NGEF: variants seen among roughly 807,000 people sequenced by gnomAD.
The protein encoded by NGEF is ephexin-1.
In NGEF, 31 loss-of-function variants were observed where a neutral mutation model predicts 80.9. That is an observed-to-expected ratio of 0.38 (90% CI 0.29 to 0.52). The LOEUF (loss-of-function observed/expected upper bound fraction) is 0.52. Among genes scored for constraint, NGEF ranks in the 20% least tolerant of loss-of-function variants. NGEF has a pLI of 0.84. For synonymous variants in NGEF, 371 were observed against 370.2 expected, an observed-to-expected ratio of 1.00 and a Z score of -0.03; for missense variants, 709 against 926.2, an observed-to-expected ratio of 0.77 and a Z score of 3.04.
chr2:232,905,486 C>T (rs11682363), intron 5 of NGEF, among the ~76,000 whole-genome samples: 22,025 of 152,232 alleles, frequency 0.14, 1,896 homozygotes, highest in South Asian at 0.27. Flanking sequence ...TCTTGGCCCC[C>T]CAAAGTGCGG....
At chr2:232,979,735 C>T (rs528711830) in intron 1 of NGEF, among the ~76,000 whole-genome samples, 13 of 152,316 alleles carry the variant, frequency 8.5e-5, no homozygotes, top group Admixed American at 2.6e-4. Context: ...ATGGGACTCA[C>T]GTCTTCATTC....
At chr2:232,880,140 C>T (rs1691446155) in intron 14 of NGEF, among the ~76,000 whole-genome samples, 2 of 152,172 alleles carry the variant, frequency 1.3e-5, no homozygotes, top group African/African-American at 2.4e-5. Flanking sequence ...TGTCATTAGC[C>T]TCTTGCGGGG....
chr2:232,954,677 A>G (rs1261616357), intron 3 of NGEF, among the ~76,000 whole-genome samples: 1 of 151,518 alleles, frequency 6.6e-6, no homozygotes, highest in East Asian at 1.9e-4. Context: ...GTGAGCCGAG[A>G]TCACGCCACT....
intron 1 of NGEF, among the ~76,000 whole-genome samples, chr2:232,993,214 G>GAA (rs1694708086): frequency 9.7e-4 from 31 of 31,984 alleles, no homozygotes; most frequent in African/African-American, 5.5e-3. Context: ...ATATTTGCCC[G>GAA]TATAGATACA....
In NGEF at chr2:232,879,579, G is replaced by A. The variant is rs1450590584; in HGVS notation, c.2043C>T (p.Leu681=). 6.2e-7 allele frequency: 1 copy of A among 1,613,902 alleles called. No homozygotes were observed. The highest frequency in any genetic ancestry group is 1.1e-5 in the South Asian group (1 of 91,090). ...TCTTGTGGACACGGAAACATTCCTT[G>A]AGGTTCTGGGACCGGATCTTGGGAT... ...ILNPKIRSQN[L]KECFRVHKMD... is the part of the protein sequence containing the mutation. The change falls in exon 15 of 15, where the codon CTC becomes CTT. Residue 681 remains leucine (L), a synonymous_variant. Transcript: ENST00000264051.
intron 3 of NGEF, among the ~76,000 whole-genome samples, chr2:232,960,210 A>G (rs1041178335): frequency 1.3e-5 from 2 of 152,270 alleles, no homozygotes; most frequent in Admixed American, 1.3e-4. Flanking sequence ...CTAAATATCA[A>G]CTTATAAAAG....
chr2:232,891,756 T>G (rs530528992), intron 7 of NGEF, among the ~76,000 whole-genome samples: 4 of 152,346 alleles, frequency 2.6e-5, no homozygotes, highest in African/African-American at 9.6e-5. Flanking sequence ...TGGCCAAGTC[T>G]GTGAATCAGA....
In NGEF at chr2:232,905,247, G is replaced by A. The variant is rs998365404; in HGVS notation, c.829-10331C>T. Among the ~76,000 whole-genome samples the A allele has an allele frequency of 3.9e-5, 6 of 152,200 alleles. No homozygotes were observed. In the East Asian group the frequency reaches 9.6e-4, roughly 24 times the overall value. On this transcript the variant is annotated intron_variant, in intron 5 of 14. Coordinates refer to ENST00000264051, the MANE Select transcript of NGEF (RefSeq NM_019850.3). The stretch of plus-strand genomic sequence containing the variant: ...CTGCCGAGTGCCTGCGATTGCAGGC[G>A]CGCGCCGCCACGCCTGACTGGTTTT...
chr2:232,975,756 G>C (rs922097593), intron 1 of NGEF, among the ~76,000 whole-genome samples: 2 of 152,174 alleles, frequency 1.3e-5, no homozygotes, highest in South Asian at 2.1e-4. Flanking sequence ...GTTAGACAGA[G>C]AGGCCGAGCT....
At chr2:232,942,515 C>T (rs1215069468) in intron 3 of NGEF, among the ~76,000 whole-genome samples, 4 of 152,176 alleles carry the variant, frequency 2.6e-5, no homozygotes, top group South Asian at 2.1e-4. Flanking sequence ...CACTTATTAA[C>T]GTAAATCTCT....
intron 3 of NGEF, among the ~76,000 whole-genome samples, chr2:232,943,652 G>C (rs28627470): frequency 0.071 from 10,594 of 150,222 alleles, 643 homozygotes; most frequent in African/African-American, 0.17. Flanking sequence ...CCCGCCACTA[G>C]ACCCGACTAA....
rs778184431 is a variant in NGEF at position 232,884,123 on chromosome 2, A to G, written c.1459T>C (p.Ser487Pro). ...TCACCCTGCTTCAGCAGCCAGCGGG[A>G]GTGGGAGATGATGGGCACCGACTGC... ...KIKSVPIISH[S>P]RWLLKQGELQ... The change falls in exon 11 of 15, where the codon TCC (serine) becomes CCC (proline). Residue 487 changes from serine to proline, a missense_variant. Around this residue, in one of 2 missense-constraint regions of NGEF, gnomAD observed 426 missense variants for 622.9 expected, o/e 0.68. Coordinates refer to ENST00000264051, the MANE Select transcript of NGEF (RefSeq NM_019850.3). 1.2e-6 allele frequency: 2 copies of G among 1,605,276 alleles called. No homozygotes were observed. Among genetic ancestry groups the G allele is most frequent in the Non-Finnish European group, 1.7e-6 (2 of 1,177,812 alleles).
chr2:232,896,747 T>A (rs1574997865), intron 5 of NGEF, among the ~76,000 whole-genome samples: 1 of 46,864 alleles, frequency 2.1e-5, no homozygotes, highest in Admixed American at 2.8e-4. Flanking sequence ...AGGGTGAAGG[T>A]AGGGGTGAGG....
At chr2:232,889,383 T>C in intron 8 of NGEF, among the ~76,000 whole-genome samples, 1 of 152,108 alleles carries the variant, frequency 6.6e-6, no homozygotes, top group Non-Finnish European at 1.5e-5. Context: ...AGACTTGCCG[T>C]TCTCTCTGGA....
intron 1 of NGEF, among the ~76,000 whole-genome samples, chr2:232,984,743 G>A (rs184862378): frequency 2.0e-4 from 31 of 152,184 alleles, no homozygotes; most frequent in African/African-American, 7.2e-4. Context: ...ATTAGGCAGG[G>A]CAGGGAAATT....
intron 3 of NGEF, among the ~76,000 whole-genome samples, chr2:232,948,147 A>ATGTGAGATGTG (rs1693598803): frequency 7.1e-6 from 1 of 141,570 alleles, no homozygotes; most frequent in Admixed American, 7.1e-5. Flanking sequence ...TAGCCTGGAG[A>ATGTGAGATGTG]TGTGTGTGTG....
At chr2:232,887,410 A>ACTCTTGGGCAGCAAAGGCCCAGGG (rs539334858) in intron 9 of NGEF, among the ~76,000 whole-genome samples, 3,208 of 152,026 alleles carry the variant, frequency 0.021, 116 homozygotes, top group African/African-American at 0.073. Flanking sequence ...TGGTCCTTGC[A>ACTCTTGGGCAGCAAAGGCCCAGGG]CTCTTGGGCA....
intron 1 of NGEF, among the ~76,000 whole-genome samples, chr2:232,996,683 C>A (rs1464586010): frequency 6.6e-6 from 1 of 152,076 alleles, no homozygotes; most frequent in African/African-American, 2.4e-5. Flanking sequence ...TTAGTAGAGG[C>A]GGGGTTTCAC....
rs1227492001 is a variant in NGEF, at chr2:232,879,256, CCTT to C, written c.*230_*232del. ...GGGAGGTGGTGTAATACTGCTGAAA[CCTT>C]CTTGTTTACAAATGCATCAGGAGAG... is the stretch of plus-strand genomic sequence containing the variant. On this transcript the variant is annotated 3_prime_UTR_variant, in exon 15 of 15. Transcript: ENST00000264051. 9.5e-5 allele frequency: 48 copies of C among 506,558 alleles called. 1 individual carries two copies. Among genetic ancestry groups the C allele is most frequent in the Admixed American group, 6.5e-4 (20 of 30,712 alleles). 31.4% of individuals were successfully genotyped at this position (506,558 alleles called of 1,614,324 possible). A position where few individuals can be genotyped will look rare whatever the true frequency, so the allele number is the denominator to read the frequency against.
Sources: allele counts gnomAD v4.1 joint callset (sites outside exome capture counted in the v4.1 genomes callset), GRCh38; gene constraint gnomAD v4.1.1; regional missense constraint gnomAD v4.1.1; transcripts MANE v1.5; gene names NCBI Gene and HGNC (gene_info 2026-07-23, HGNC 2026-07-21).